Variants in CCDC12 observed in about 807,000 individuals in gnomAD.
The protein encoded by CCDC12 is coiled-coil domain-containing protein 12.
In CCDC12, 28 loss-of-function variants were observed where a neutral mutation model predicts 25.7. That is an observed-to-expected ratio of 1.09 (90% CI 0.81 to 1.50). The LOEUF (loss-of-function observed/expected upper bound fraction) is 1.50, where lower values mean the gene tolerates loss of function less well. Among genes scored for constraint, CCDC12 ranks in the 40% most tolerant of loss-of-function variants. The pLI is 0.00. For synonymous variants in CCDC12, 75 were observed against 87.7 expected (o/e 0.86, Z 0.81); for missense variants, 198 against 210.0 (o/e 0.94, Z 0.35).
chr3:46,927,950 A>G (rs2033042447), intron 2 of CCDC12, among the ~76,000 whole-genome samples: 1 of 152,204 alleles, frequency 6.6e-6, no homozygotes, highest in Non-Finnish European at 1.5e-5. Flanking sequence ...GTCAAGGAGC[A>G]TGGGGGGGTT....
chr3:46,979,626 G>A, upstream of CCDC12: 1 of 304,978 alleles, frequency 3.3e-6, no homozygotes, highest in East Asian at 5.0e-5. Flanking sequence ...CGGGGCGGCG[G>A]TGACTGCAGC....
chr3:46,961,153 T>C (rs147117601), intron 1 of CCDC12, among the ~76,000 whole-genome samples: 71 of 152,100 alleles, frequency 4.7e-4, no homozygotes, highest in African/African-American at 1.6e-3. Flanking sequence ...ACATGCTGTA[T>C]GTGCATGTGT....
At chr3:46,979,540 C>A (rs976073354), upstream of CCDC12, 2 of 203,056 alleles carry the variant, frequency 9.8e-6, no homozygotes, top group East Asian at 1.0e-4. Context: ...GGCAGCGGGG[C>A]ACCCTCCCGG....
At chr3:46,942,307 T>C (rs968184463) in intron 1 of CCDC12, among the ~76,000 whole-genome samples, 1 of 152,180 alleles carries the variant, frequency 6.6e-6, no homozygotes, top group African/African-American at 2.4e-5. Flanking sequence ...CTGTCGTGGG[T>C]CTCCCTGCAT....
intron 1 of CCDC12, among the ~76,000 whole-genome samples, chr3:46,973,780 T>C (rs577820998): frequency 1.3e-5 from 2 of 151,866 alleles, no homozygotes; most frequent in South Asian, 4.2e-4. Flanking sequence ...GCTCGGCTAA[T>C]TTTTTGTATT....
chr3:46,961,458 G>C (rs1468973367), intron 1 of CCDC12, among the ~76,000 whole-genome samples: 2 of 152,122 alleles, frequency 1.3e-5, no homozygotes, highest in African/African-American at 4.8e-5. Flanking sequence ...CCAGAGTATG[G>C]ACAGAGTCTG....
In CCDC12 at chr3:46,938,518, GTT is replaced by G. The variant is rs66474878; in HGVS notation, c.164+2478_164+2479del. On this transcript the variant is annotated intron_variant, in intron 2 of 6. Transcript: ENST00000683445. ...TTCCAGACAGGTTTGTTCCCCTCCT[GTT>G]TTTTTTTTTTTTTTTTTTTTTTTGG... Among the ~76,000 whole-genome samples, 512 of 91,380 alleles carry G rather than the reference GTT, an allele frequency of 5.6e-3. 1 individual carries two copies. The highest frequency in any genetic ancestry group is 0.02 in the African/African-American group (488 of 23,846). 59.9% of individuals were successfully genotyped at this position (91,380 alleles called of 152,430 possible). A position where few individuals can be genotyped will look rare whatever the true frequency, so the allele number is the denominator to read the frequency against.
intron 1 of CCDC12, among the ~76,000 whole-genome samples, chr3:46,975,292 C>A (rs960340529): frequency 6.6e-6 from 1 of 150,556 alleles, no homozygotes; most frequent in African/African-American, 2.4e-5. Context: ...TCAAGAAATC[C>A]TCCTGCCTCA....
At chr3:46,940,966 G>C (rs748685991) in intron 2 of CCDC12, 32 bp downstream of exon 2, 19 of 1,607,660 alleles carry the variant, frequency 1.2e-5, no homozygotes, top group South Asian at 5.5e-5. Flanking sequence ...CTGGAGGAGA[G>C]AGCAGACCCT....
At chr3:46,952,331 C>A (rs560534290) in intron 1 of CCDC12, among the ~76,000 whole-genome samples, 1 of 152,326 alleles carries the variant, frequency 6.6e-6, no homozygotes, top group Admixed American at 6.5e-5. Context: ...GATGCAAGAA[C>A]TGAGGCTGGA....
chr3:46,981,017 C>T (rs1279625138), upstream of CCDC12, among the ~76,000 whole-genome samples: 1 of 152,228 alleles, frequency 6.6e-6, no homozygotes, highest in African/African-American at 2.4e-5. Context: ...GCCAGAAGGA[C>T]CACAGCCTCT....
At chr3:46,979,882 G>A, upstream of CCDC12, 1 of 470,264 alleles carries the variant, frequency 2.1e-6, no homozygotes, top group Admixed American at 3.3e-5. Context: ...CGGAGCGGCT[G>A]TACGAGTTGT....
At chr3:46,977,864 A>C (rs1575570629), upstream of CCDC12, among the ~76,000 whole-genome samples, 1 of 152,224 alleles carries the variant, frequency 6.6e-6, no homozygotes, top group African/African-American at 2.4e-5. Flanking sequence ...ATTCATGGCT[A>C]CCCAGCAGAA....
chr3:46,959,465 C>G (rs2034400212), intron 1 of CCDC12, among the ~76,000 whole-genome samples: 1 of 152,154 alleles, frequency 6.6e-6, no homozygotes, highest in Non-Finnish European at 1.5e-5. Flanking sequence ...GATGGTGGAG[C>G]CTGAGACTCT....
chr3:46,966,360 A>G (rs1425160288), intron 1 of CCDC12, among the ~76,000 whole-genome samples: 1 of 152,092 alleles, frequency 6.6e-6, no homozygotes, highest in Non-Finnish European at 1.5e-5. Context: ...TAAAAATACA[A>G]AAATTAGCCG....
At chr3:46,976,600 G>A (rs963579909) in intron 1 of CCDC12, 37 bp downstream of exon 1, 3 of 1,591,076 alleles carry the variant, frequency 1.9e-6, no homozygotes, top group Non-Finnish European at 2.6e-6. Flanking sequence ...CCGAACGCTG[G>A]ACGCCTCAAC....
intron 6 of CCDC12, 35 bp from the exon 7 acceptor site, chr3:46,922,174 G>A (rs748888340): frequency 1.9e-6 from 3 of 1,613,934 alleles, no homozygotes; most frequent in South Asian, 2.2e-5. Context: ...GGTGGGGAGG[G>A]GCCCGGTGCT....
At chr3:46,972,767 C>A in intron 1 of CCDC12, among the ~76,000 whole-genome samples, 1 of 60,334 alleles carries the variant, frequency 1.7e-5, no homozygotes, top group African/African-American at 5.0e-5. Flanking sequence ...AGACTCCTGA[C>A]TCCTTTAAAA....
chr3:46,929,181 A>G (rs1016977541), intron 2 of CCDC12, among the ~76,000 whole-genome samples: 4 of 152,230 alleles, frequency 2.6e-5, no homozygotes, highest in Non-Finnish European at 4.4e-5. Flanking sequence ...TTAGACTTTG[A>G]TAAGTTAAGG....
Sources: gnomAD v4.1 joint callset for allele counts (sites outside exome capture counted in the v4.1 genomes callset) on GRCh38, gnomAD v4.1.1 for gene constraint, MANE v1.5 for transcripts, NCBI Gene and HGNC (gene_info 2026-07-23, HGNC 2026-07-21) for gene names.